The following CEMIP variants were observed in gnomAD, a reference collection of about 807,000 sequenced individuals.
The protein encoded by CEMIP is cell migration-inducing and hyaluronan-binding protein.
In CEMIP, 105 loss-of-function variants were observed where a neutral mutation model predicts 156.9. That is an observed-to-expected ratio of 0.67 (90% CI 0.57 to 0.79). The LOEUF (loss-of-function observed/expected upper bound fraction) is 0.79, where lower values mean the gene tolerates loss of function less well. Ranked by LOEUF, CEMIP falls within the 30% of genes least tolerant of loss-of-function variation. The pLI is 0.00. For synonymous variants in CEMIP, 676 were observed against 668.4 expected (o/e 1.01, Z -0.17); for missense variants, 1,457 against 1,769.4 (o/e 0.82, Z 3.17).
chr15:80,859,602 G>A (rs1213370621), intron 1 of CEMIP, among the ~76,000 whole-genome samples: 1 of 152,218 alleles, frequency 6.6e-6, no homozygotes, highest in Non-Finnish European at 1.5e-5. Context: ...AGGCAATGAT[G>A]GGCCTACCCT....
intron 1 of CEMIP, among the ~76,000 whole-genome samples, chr15:80,846,511 A>G (rs1897561565): frequency 6.6e-6 from 1 of 152,220 alleles, no homozygotes; most frequent in Non-Finnish European, 1.5e-5. Flanking sequence ...CGTCTGGGTC[A>G]AGGGAACTGA....
chr15:80,831,620 G>A (rs1029711910), intron 1 of CEMIP, among the ~76,000 whole-genome samples: 5 of 152,170 alleles, frequency 3.3e-5, no homozygotes, highest in Admixed American at 6.5e-5. Context: ...CCCACGTGGA[G>A]ATAGTGAATA....
intron 1 of CEMIP, among the ~76,000 whole-genome samples, chr15:80,798,246 C>A (rs558088633): frequency 6.6e-6 from 1 of 152,042 alleles, no homozygotes; most frequent in African/African-American, 2.4e-5. Flanking sequence ...TTTTACATAA[C>A]GTTGATAGAA....
intron 14 of CEMIP, among the ~76,000 whole-genome samples, chr15:80,915,499 C>T (rs1302964216): frequency 1.3e-5 from 2 of 152,172 alleles, no homozygotes; most frequent in Non-Finnish European, 2.9e-5. Flanking sequence ...GAAACCCAGA[C>T]TCTTGTCCTT....
intron 17 of CEMIP, among the ~76,000 whole-genome samples, chr15:80,923,468 A>G (rs1900547580): frequency 3.3e-5 from 5 of 152,154 alleles, no homozygotes; most frequent in Admixed American, 3.3e-4. Flanking sequence ...GGTGGGCCAC[A>G]TAGAACCTAG....
At chr15:80,933,909 G>A (rs985888934) in intron 23 of CEMIP, among the ~76,000 whole-genome samples, 1 of 152,172 alleles carries the variant, frequency 6.6e-6, no homozygotes, top group Admixed American at 6.5e-5. Context: ...TTTTCTGGTA[G>A]CCATGTTAAA....
rs1901687671 is a variant in CEMIP, at chr15:80,948,859, G to A, written c.4021G>A (p.Glu1341Lys). 1.2e-6 allele frequency: 2 copies of A among 1,614,240 alleles called. No homozygotes were observed. The highest frequency in any genetic ancestry group is 2.2e-5 in the East Asian group (1 of 44,870). The part of the protein sequence containing the change: ...FRPIWVTLDT[E>K]DHKAKIFQVV... ...GCCCATCTGGGTGACACTGGACACTGAGGATCACAAAGCCAAAATCTTCCA... is the reference window on the plus strand; with the variant it reads ...GCCCATCTGGGTGACACTGGACACTAAGGATCACAAAGCCAAAATCTTCCA... The change falls in exon 30 of 30, where the codon GAG becomes AAG. Residue 1341 changes from glutamate (E) to lysine (K), a missense_variant. This residue lies in a region of CEMIP where 798 missense variants were observed against 980.1 expected (regional missense o/e 0.81). Transcript: ENST00000394685.
At chr15:80,838,924 C>A (rs1181309915) in intron 1 of CEMIP, among the ~76,000 whole-genome samples, 2 of 152,204 alleles carry the variant, frequency 1.3e-5, no homozygotes, top group Admixed American at 1.3e-4. Context: ...GCCCTGCTTT[C>A]CCTGGACAGC....
At chr15:80,924,547 T>C (rs1395300092) in intron 17 of CEMIP, 74 bp from the exon 18 acceptor site, 1 of 1,313,624 alleles carries the variant, frequency 7.6e-7, no homozygotes, top group East Asian at 2.3e-5. Context: ...AAGTATGCAG[T>C]GAGGCTGACT....
At chr15:80,844,392 C>T (rs1490195595) in intron 1 of CEMIP, among the ~76,000 whole-genome samples, 1 of 152,208 alleles carries the variant, frequency 6.6e-6, no homozygotes, top group African/African-American at 2.4e-5. Context: ...AAGACTAATG[C>T]CAGGATGAGG....
Position 80,881,043 on chromosome 15 carries a change from A to G in CEMIP, c.524A>G (p.Glu175Gly), listed in dbSNP as rs1898638071. 1 of 1,614,180 alleles carries G rather than the reference A, an allele frequency of 6.2e-7. No homozygotes were observed. The highest frequency in any genetic ancestry group is 1.7e-5 in the Admixed American group (1 of 60,028). ...NKTLHPGGMA[E>G]GGYFFERSWG... ...ACCCTTCACCCAGGTGGCATGGCAG[A>G]AGGAGGCTATTTTTTTGAAAGGAGC... is the stretch of plus-strand genomic sequence containing the variant. Residue 175 changes from glutamate (E) to glycine (G), a missense_variant, in exon 6 of 30, where the codon GAA becomes GGA. Glu to Gly is a moderately conservative substitution (Grantham distance 98). This residue lies in a region of CEMIP where 309 missense variants were observed against 340.8 expected (regional missense o/e 0.91). Coordinates refer to ENST00000394685, the MANE Select transcript of CEMIP (RefSeq NM_001293298.2).
chr15:80,832,807 A>G (rs2141682658), intron 1 of CEMIP, among the ~76,000 whole-genome samples: 1 of 152,308 alleles, frequency 6.6e-6, no homozygotes, highest in South Asian at 2.1e-4. Flanking sequence ...TGTTTCTCAA[A>G]TCTGTGATGT....
At position 80,859,664 on chromosome 15, in the gene CEMIP, C is replaced by T. The variant is rs527913571; in HGVS notation, c.-175-13874C>T. Among the ~76,000 whole-genome samples the T allele has an allele frequency of 1.3e-4, 20 of 152,302 alleles. 1 individual carries two copies. The South Asian group carries it at 2.7e-3, about 21-fold the overall frequency. On this transcript the variant is annotated intron_variant, in intron 1 of 29. Transcript: ENST00000394685. Reference sequence around the variant, plus strand: ...GGCATCTGTGCTAACTCCAGGTAGACAGTATCAGAATCGAATGGATTATAG... The same window carrying T: ...GGCATCTGTGCTAACTCCAGGTAGATAGTATCAGAATCGAATGGATTATAG...
intron 1 of CEMIP, among the ~76,000 whole-genome samples, chr15:80,844,867 C>T (rs1163117742): frequency 1.3e-5 from 2 of 152,164 alleles, no homozygotes; most frequent in African/African-American, 4.8e-5. Context: ...GGGCATGGCC[C>T]CAGCCCCAGG....
rs368443134 is a variant in CEMIP, at chr15:80,936,718, C to A, written c.3054C>A (p.Ile1018=). Residue 1018 remains isoleucine, a synonymous_variant, in exon 24 of 30, where the codon ATC becomes ATA. Transcript: ENST00000394685. ...AYKTSNLRMK[I]IKNDFPSHPL... ...AGACCAGTAACCTGCGAATGAAGAT[C>A]ATCAAGAATGACTTCCCCAGCCACC... 12 of 1,614,058 alleles carry A rather than the reference C, an allele frequency of 7.4e-6. No homozygotes were observed. In the East Asian group the frequency reaches 2.0e-4, roughly 27 times the overall value.
intron 16 of CEMIP, 80 bp from the exon 17 acceptor site, chr15:80,921,929 C>T (rs1002832134): frequency 2.7e-5 from 43 of 1,589,940 alleles, no homozygotes; most frequent in South Asian, 6.6e-5. Flanking sequence ...CCATCTCCGG[C>T]GTGGGCCGCG....
At chr15:80,834,401 C>T (rs1317951594) in intron 1 of CEMIP, among the ~76,000 whole-genome samples, 1 of 152,154 alleles carries the variant, frequency 6.6e-6, no homozygotes, top group African/African-American at 2.4e-5. Context: ...CTTCTGGAAA[C>T]TTTATTTTTG....
At chr15:80,800,296 T>G (rs766187680) in intron 1 of CEMIP, among the ~76,000 whole-genome samples, 1 of 152,142 alleles carries the variant, frequency 6.6e-6, no homozygotes, top group Non-Finnish European at 1.5e-5. Flanking sequence ...TGTGGTTCTA[T>G]GTCCTTTCTC....
chr15:80,948,279 G>C (rs1321263316), intron 29 of CEMIP: 3 of 209,676 alleles, frequency 1.4e-5, no homozygotes, highest in South Asian at 9.0e-5. Flanking sequence ...GGTTTCAGGG[G>C]TTTAGAGTTC....
Sources: gnomAD v4.1 joint callset for allele counts (sites outside exome capture counted in the v4.1 genomes callset) on GRCh38, gnomAD v4.1.1 for gene constraint, gnomAD v4.1.1 regional missense constraint, MANE v1.5 for transcripts, NCBI Gene and HGNC (gene_info 2026-07-23, HGNC 2026-07-21) for gene names.